Variants in GPHN observed in about 807,000 individuals in gnomAD.
GPHN encodes the protein gephyrin.
In GPHN, 17 loss-of-function variants were observed where a neutral mutation model predicts 95.5. That is an observed-to-expected ratio of 0.18 (90% CI 0.12 to 0.27). The LOEUF (loss-of-function observed/expected upper bound fraction) is 0.27, where lower values mean the gene tolerates loss of function less well. Among genes scored for constraint, GPHN ranks in the 10% least tolerant of loss-of-function variants. GPHN has a pLI of 1.00. For synonymous variants in GPHN, 320 were observed against 322.5 expected, an observed-to-expected ratio of 0.99 and a Z score of 0.08; for missense variants, 660 against 978.1, an observed-to-expected ratio of 0.67 and a Z score of 4.34.
At chr14:66,623,704 C>G (rs981329091) in intron 1 of GPHN, among the ~76,000 whole-genome samples, 1 of 151,780 alleles carries the variant, frequency 6.6e-6, no homozygotes, top group Non-Finnish European at 1.5e-5. Context: ...CTGCCATCCC[C>G]CCTTTACCCT....
intron 20 of GPHN, among the ~76,000 whole-genome samples, chr14:67,165,616 G>C (rs917121150): frequency 6.6e-5 from 10 of 152,294 alleles, no homozygotes; most frequent in Admixed American, 6.5e-4. Flanking sequence ...GTGCTCTAGA[G>C]GCCAAAATGC....
chr14:67,301,425 G>A, the GPHN span: 1 of 1,610,164 alleles, frequency 6.2e-7, no homozygotes, highest in African/African-American at 1.3e-5. Context: ...TCATAAGGAA[G>A]GACAAGAACT....
At chr14:66,558,498 T>A (rs1193033296) in intron 1 of GPHN, among the ~76,000 whole-genome samples, 1 of 152,150 alleles carries the variant, frequency 6.6e-6, no homozygotes, top group African/African-American at 2.4e-5. Flanking sequence ...ATAATGATAT[T>A]CATCAAACCC....
At chr14:67,398,445 A>C in the GPHN span, among the ~76,000 whole-genome samples, 2 of 152,208 alleles carry the variant, frequency 1.3e-5, no homozygotes, top group Non-Finnish European at 2.9e-5. Context: ...CATTGGCTCT[A>C]CCACCCACCT....
chr14:67,469,969 C>T, the GPHN span, among the ~76,000 whole-genome samples: 1 of 152,218 alleles, frequency 6.6e-6, no homozygotes, highest in Non-Finnish European at 1.5e-5. Flanking sequence ...TGCAGTCAAC[C>T]TGGATACTGC....
chr14:67,576,435 G>A, the GPHN span: 1 of 1,610,470 alleles, frequency 6.2e-7, no homozygotes. The surrounding 1 kb of genome is among the most constrained non-coding windows in gnomAD (Gnocchi z 4.0). Context: ...GCAGGTGGCA[G>A]CAGTGCCAAG....
the GPHN span, among the ~76,000 whole-genome samples, chr14:67,489,866 T>C: frequency 6.6e-6 from 1 of 152,130 alleles, no homozygotes; most frequent in African/African-American, 2.4e-5. Context: ...GGTGGGCACC[T>C]GTAGTCCCAG....
chr14:66,689,443 G>A (rs1391522858), intron 2 of GPHN, among the ~76,000 whole-genome samples: 2 of 152,110 alleles, frequency 1.3e-5, no homozygotes, highest in Non-Finnish European at 2.9e-5. Context: ...TATGCTGCTG[G>A]ATTCTGTTTG....
chr14:67,579,124 G>T, the GPHN span: 9 of 1,112,046 alleles, frequency 8.1e-6, no homozygotes, highest in Admixed American at 6.7e-5. Context: ...CCCCTCTTCC[G>T]TCTTTTTAGA....
the GPHN span, among the ~76,000 whole-genome samples, chr14:67,698,087 G>A: frequency 2.6e-5 from 4 of 152,306 alleles, no homozygotes; most frequent in African/African-American, 9.6e-5. Flanking sequence ...CAGCATTGCA[G>A]ATTAGCATCC....
chr14:66,647,755 G>A lies in GPHN; in HGVS notation c.65-33352G>A, dbSNP rs112362931. 3.6e-3 allele frequency among the ~76,000 whole-genome samples: 550 copies of A among 152,106 alleles called. 11 individuals carry two copies. The highest frequency in any genetic ancestry group is 0.013 in the African/African-American group (524 of 41,492). ...GGTTTTAGACATCAGTTGATCATAA[G>A]TAACTGAAACTCTGTAAAGAGAAAC... On this transcript the variant is annotated intron_variant, in intron 1 of 22. Transcript: ENST00000478722.
At chr14:66,715,294 T>G (rs972638514) in intron 2 of GPHN, among the ~76,000 whole-genome samples, 2 of 152,160 alleles carry the variant, frequency 1.3e-5, no homozygotes, top group African/African-American at 4.8e-5. Flanking sequence ...TTGAATGATC[T>G]TTTATATTTC....
chr14:66,943,631 A>G (rs2067556729), intron 8 of GPHN, among the ~76,000 whole-genome samples: 1 of 152,142 alleles, frequency 6.6e-6, no homozygotes. Flanking sequence ...TTAAAGTCAC[A>G]TGAACTGAAA....
intron 2 of GPHN, among the ~76,000 whole-genome samples, chr14:66,706,347 A>G (rs2069080861): frequency 6.6e-6 from 1 of 152,338 alleles, no homozygotes; most frequent in African/African-American, 2.4e-5. Flanking sequence ...AAGATCCCAT[A>G]TAGCCAAGAC....
chr14:66,999,045 A>G (rs1210492085), intron 9 of GPHN, among the ~76,000 whole-genome samples: 1 of 151,956 alleles, frequency 6.6e-6, no homozygotes, highest in Admixed American at 6.6e-5. Context: ...GGAAATTGAG[A>G]CGCAGAGAGG....
chr14:66,586,264 A>G (rs561004901), intron 1 of GPHN, among the ~76,000 whole-genome samples: 156 of 151,846 alleles, frequency 1.0e-3, no homozygotes, highest in Non-Finnish European at 1.9e-3. Context: ...CCATCCCTTT[A>G]TTTTGAGCCT....
chr14:67,397,870 A>T, the GPHN span: 1 of 1,542,474 alleles, frequency 6.5e-7, no homozygotes, highest in East Asian at 2.3e-5. Flanking sequence ...GGTCAGTGGG[A>T]GGGTATGGTG....
chr14:66,707,052 G>GAA (rs61279772), intron 2 of GPHN, among the ~76,000 whole-genome samples: 2 of 111,424 alleles, frequency 1.8e-5, no homozygotes, highest in Non-Finnish European at 4.5e-5. Flanking sequence ...ACAAACATTT[G>GAA]AAAAAAAAAA....
chr14:66,660,696 A>G (rs575619269), intron 1 of GPHN, among the ~76,000 whole-genome samples: 3 of 152,336 alleles, frequency 2.0e-5, no homozygotes, highest in East Asian at 3.9e-4. Context: ...GAGGAACGAA[A>G]GGGACGAGTA....
Sources: allele counts gnomAD v4.1 joint callset (sites outside exome capture counted in the v4.1 genomes callset), GRCh38; gene constraint gnomAD v4.1.1; non-coding constraint Gnocchi (gnomAD v3.1); transcripts MANE v1.5; gene names NCBI Gene and HGNC (gene_info 2026-07-23, HGNC 2026-07-21).